CDH19: variants seen among roughly 807,000 people sequenced by gnomAD.
CDH19 encodes the protein cadherin-19.
A neutral mutation model predicts 64.2 loss-of-function variants in CDH19; 67 were observed. The ratio of observed to expected loss-of-function variants is 1.04; its 90% CI spans 0.86 to 1.28. The LOEUF (loss-of-function observed/expected upper bound fraction) is 1.28. CDH19 is among the 50% of genes most tolerant of loss of function. The probability of loss-of-function intolerance (pLI) is 0.00; values close to 1 mark genes in which losing one functional copy is unlikely to be tolerated. For missense variants in CDH19, 1,030 were observed against 929.0 expected (o/e 1.11, Z -1.41); for synonymous variants, 346 against 319.3 (o/e 1.08, Z -0.89).
chr18:66,572,209 T>C lies in CDH19; in HGVS notation c.-5A>G, dbSNP rs1459302180. On this transcript the variant is annotated 5_prime_UTR_variant, in exon 2 of 12. Coordinates refer to ENST00000262150, the MANE Select transcript of CDH19 (RefSeq NM_021153.4). ...CAGCAGTAAATAACAGTTCATTGCG[T>C]TGACTCTTTTGATTCCAACTATTAC... The C allele has an allele frequency of 1.9e-6, 3 of 1,604,536 alleles. No homozygotes were observed. The highest frequency in any genetic ancestry group is 1.3e-5 in the African/African-American group (1 of 74,528).
intron 1 of CDH19, among the ~76,000 whole-genome samples, chr18:66,583,229 A>C (rs1255161976): frequency 6.6e-6 from 1 of 152,152 alleles, no homozygotes; most frequent in Non-Finnish European, 1.5e-5. Context: ...AGCATTGATA[A>C]TTATATTCTT....
At chr18:66,541,640 T>G (rs1261385567) in intron 7 of CDH19, among the ~76,000 whole-genome samples, 3 of 152,158 alleles carry the variant, frequency 2.0e-5, no homozygotes, top group Non-Finnish European at 4.4e-5. Context: ...CAAAAACTGC[T>G]GTATCCTCAG....
At chr18:66,580,474 A>T (rs1988391260) in intron 1 of CDH19, among the ~76,000 whole-genome samples, 1 of 152,116 alleles carries the variant, frequency 6.6e-6, no homozygotes, top group South Asian at 2.1e-4. Context: ...TTAAGTTAGT[A>T]AGTCTAGGCA....
At chr18:66,521,589 G>A (rs886588652) in intron 9 of CDH19, among the ~76,000 whole-genome samples, 1 of 151,530 alleles carries the variant, frequency 6.6e-6, no homozygotes, top group Admixed American at 6.6e-5. Flanking sequence ...AGGCTAGACT[G>A]CAATGATGCA....
intron 3 of CDH19, among the ~76,000 whole-genome samples, chr18:66,565,926 C>T (rs1006092555): frequency 2.0e-5 from 3 of 151,962 alleles, no homozygotes; most frequent in Non-Finnish European, 4.4e-5. Flanking sequence ...ATTGATTACA[C>T]AAATTGAAAA....
At position 66,602,636 on chromosome 18, in the gene CDH19, A is replaced by G. The variant is rs377283439; in HGVS notation, c.-113+1318T>C. On this transcript the variant is annotated intron_variant, in intron 1 of 11. Coordinates refer to ENST00000262150, the MANE Select transcript of CDH19 (RefSeq NM_021153.4). The stretch of plus-strand genomic sequence containing the variant: ...AGTAAAGAATTTACTAATGTGTAAG[A>G]CTGTAAAAATCAGATATTTATATAA... Among the ~76,000 whole-genome samples the G allele has an allele frequency of 4.6e-5, 7 of 151,822 alleles. No individual in the cohort carries two copies. In the East Asian group the frequency reaches 1.2e-3, roughly 25 times the overall value.
chr18:66,583,135 C>A (rs1988474108), intron 1 of CDH19, among the ~76,000 whole-genome samples: 1 of 151,980 alleles, frequency 6.6e-6, no homozygotes, highest in African/African-American at 2.4e-5. Flanking sequence ...ACCATCTTTG[C>A]AGTCTGATTT....
chr18:66,509,348 G>A, intron 10 of CDH19, 102 bp from the exon 11 acceptor site: 1 of 973,554 alleles, frequency 1.0e-6, no homozygotes, highest in Non-Finnish European at 1.5e-6. Flanking sequence ...ATATGATCAA[G>A]TAAGTTCAAA....
At chr18:66,562,648 C>T (rs518995) in intron 3 of CDH19, among the ~76,000 whole-genome samples, 3,711 of 152,014 alleles carry the variant, frequency 0.024, 155 homozygotes, top group African/African-American at 0.084. Context: ...GAAAGGAAAA[C>T]GTTAGTTTGG....
intron 9 of CDH19, among the ~76,000 whole-genome samples, chr18:66,519,420 T>A (rs1039907127): frequency 6.6e-6 from 1 of 152,126 alleles, no homozygotes; most frequent in Non-Finnish European, 1.5e-5. Context: ...AATGAGGAGA[T>A]TAGTATTCAG....
At chr18:66,590,104 C>T (rs1988699838) in intron 1 of CDH19, among the ~76,000 whole-genome samples, 2 of 151,882 alleles carry the variant, frequency 1.3e-5, no homozygotes, top group South Asian at 4.1e-4. Context: ...ATTGTTTCTA[C>T]AGAAACACAG....
chr18:66,515,072 TAA>T (rs1985674741), intron 9 of CDH19, among the ~76,000 whole-genome samples: 1 of 151,700 alleles, frequency 6.6e-6, no homozygotes, highest in Admixed American at 6.6e-5. Flanking sequence ...TTAATTTATA[TAA>T]CTCATCAATT....
intron 1 of CDH19, among the ~76,000 whole-genome samples, chr18:66,585,395 C>A (rs1277746665): frequency 6.6e-6 from 1 of 151,990 alleles, no homozygotes; most frequent in Admixed American, 6.6e-5. Flanking sequence ...ACATGTGGAG[C>A]AAGGATGGCT....
At chr18:66,602,808 C>G (rs895461929) in intron 1 of CDH19, among the ~76,000 whole-genome samples, 1 of 151,384 alleles carries the variant, frequency 6.6e-6, no homozygotes, top group African/African-American at 2.4e-5. Context: ...ATGCTTATTC[C>G]TTTTAAAAAT....
chr18:66,530,077 A>G lies in CDH19; in HGVS notation c.1337-111T>C, dbSNP rs75984152. 8.1e-3 allele frequency: 3,749 copies of G among 462,460 alleles called. 112 individuals carry two copies. Among genetic ancestry groups the G allele is most frequent in the African/African-American group, 0.071 (3,440 of 48,752 alleles). The allele number at this position is 462,460 out of a possible 1,614,324, so 28.6% of individuals were successfully genotyped here. On this transcript the variant is annotated intron_variant, in intron 8 of 11. Coordinates refer to ENST00000262150, the MANE Select transcript of CDH19 (RefSeq NM_021153.4). The stretch of plus-strand genomic sequence containing the variant: ...CGTGGTGTATTTTTATTTTACTTGA[A>G]AAAAGCAATCTGAGGACAGGATATC...
At chr18:66,506,492 G>A (rs1408231877) in intron 11 of CDH19, among the ~76,000 whole-genome samples, 1 of 151,778 alleles carries the variant, frequency 6.6e-6, no homozygotes, top group Non-Finnish European at 1.5e-5. Context: ...GTAGAAAGTT[G>A]GTTCAGAGCC....
chr18:66,542,249 T>C (rs1986915963), intron 7 of CDH19, among the ~76,000 whole-genome samples: 1 of 152,140 alleles, frequency 6.6e-6, no homozygotes, highest in Non-Finnish European at 1.5e-5. Flanking sequence ...GAAGGCAACA[T>C]TTTATGAACT....
At position 66,573,893 on chromosome 18, in the gene CDH19, C is replaced by CCACACACACA. The variant is rs140587493; in HGVS notation, c.-112-1587_-112-1578dup. On this transcript the variant is annotated intron_variant, in intron 1 of 11. Coordinates refer to ENST00000262150, the MANE Select transcript of CDH19 (RefSeq NM_021153.4). ...ATTCATATCATTTTAACCACTGAAG[C>CCACACACACA]CACACACACACACACACACACACAC... Among the ~76,000 whole-genome samples, 260 of 145,218 alleles carry CCACACACACA rather than the reference C, an allele frequency of 1.8e-3. 2 individuals carry two copies. Among genetic ancestry groups the CCACACACACA allele is most frequent in the East Asian group, 0.013 (64 of 4,854 alleles).
At chr18:66,522,928 C>T (rs1049779521) in intron 9 of CDH19, among the ~76,000 whole-genome samples, 5 of 151,072 alleles carry the variant, frequency 3.3e-5, no homozygotes, top group East Asian at 1.9e-4. Flanking sequence ...TTAAAAAACC[C>T]TCTGAAAAAT....
Sources: allele counts gnomAD v4.1 joint callset (sites outside exome capture counted in the v4.1 genomes callset), GRCh38; gene constraint gnomAD v4.1.1; transcripts MANE v1.5; gene names NCBI Gene and HGNC (gene_info 2026-07-23, HGNC 2026-07-21).